The following GRM7 variants were observed in gnomAD, a reference collection of about 807,000 sequenced individuals.
GRM7 encodes glutamate metabotropic receptor 7, also known as metabotropic glutamate receptor 7.
In GRM7, 35 loss-of-function variants were observed where a neutral mutation model predicts 84.5. The observed-to-expected ratio is 0.41, with a 90% CI of 0.32 to 0.55. The LOEUF is 0.55. GRM7 is among the 20% of genes least tolerant of loss of function. The probability of loss-of-function intolerance (pLI) is 0.19; values close to 1 mark genes in which losing one functional copy is unlikely to be tolerated. For missense variants in GRM7, 1,003 were observed against 1,194.6 expected (o/e 0.84, Z 2.36); for synonymous variants, 487 against 455.1 (o/e 1.07, Z -0.89).
chr3:7,050,813 ATAGT>A (rs1696968573), intron 1 of GRM7, among the ~76,000 whole-genome samples: 1 of 151,856 alleles, frequency 6.6e-6, no homozygotes, highest in South Asian at 2.1e-4. Context: ...TCTTGATGTA[ATAGT>A]TAGGTTCAAC....
rs754849654 is a variant in GRM7, at chr3:6,861,363, G to C, written c.-26G>C. 6.7e-7 allele frequency: 1 copy of C among 1,482,134 alleles called. No individual in the cohort carries two copies. The highest frequency in any genetic ancestry group is 1.4e-5 in the South Asian group (1 of 70,946). 91.8% of individuals were successfully genotyped at this position (1,482,134 alleles called of 1,614,324 possible). On this transcript the variant is annotated 5_prime_UTR_variant, in exon 1 of 10. Transcript: ENST00000357716. This position sits in a 1 kb window ranked among gnomAD's most constrained non-coding sequence, Gnocchi z 6.4. The stretch of plus-strand genomic sequence containing the variant: ...CACCACCGTTCCCTCCAGCGCCGCC[G>C]CCGCCACCGCAGCAGCCGGAGCAGC...
intron 8 of GRM7, among the ~76,000 whole-genome samples, chr3:7,634,151 T>TG (rs536523769): frequency 2.5e-3 from 388 of 152,300 alleles, no homozygotes; most frequent in African/African-American, 9.1e-3. Flanking sequence ...GAATTATGCT[T>TG]GGATGACTTG....
intron 1 of GRM7, among the ~76,000 whole-genome samples, chr3:7,135,410 C>G (rs956452328): frequency 6.6e-6 from 1 of 152,176 alleles, no homozygotes; most frequent in Non-Finnish European, 1.5e-5. Flanking sequence ...AATATCTCAA[C>G]AGGTACACTG....
At chr3:7,303,297 G>C (rs535252755) in intron 3 of GRM7, among the ~76,000 whole-genome samples, 86 of 152,184 alleles carry the variant, frequency 5.7e-4, no homozygotes, top group Non-Finnish European at 9.1e-4. Context: ...TATGACTAAA[G>C]TACTTTTGAT....
intron 9 of GRM7, among the ~76,000 whole-genome samples, chr3:7,695,605 G>GACTT (rs1293054252): frequency 1.3e-5 from 2 of 152,258 alleles, no homozygotes; most frequent in Non-Finnish European, 2.9e-5. Flanking sequence ...CCCAGGTTAA[G>GACTT]ACTTAAGATG....
At chr3:6,872,829 T>C (rs1695171228) in intron 1 of GRM7, among the ~76,000 whole-genome samples, 1 of 152,192 alleles carries the variant, frequency 6.6e-6, no homozygotes, top group African/African-American at 2.4e-5. Flanking sequence ...TTCCATAGTG[T>C]ATATGTGCCA....
intron 1 of GRM7, among the ~76,000 whole-genome samples, chr3:6,973,138 C>T (rs73808500): frequency 1.2e-3 from 190 of 152,208 alleles, no homozygotes; most frequent in African/African-American, 4.4e-3. Context: ...GTATTGCATA[C>T]GCAGATGTTT....
At chr3:7,006,085 TC>T in intron 1 of GRM7, among the ~76,000 whole-genome samples, 1 of 152,244 alleles carries the variant, frequency 6.6e-6, no homozygotes, top group Non-Finnish European at 1.5e-5. Context: ...TTAACAACCT[TC>T]CCCCCTCCTG....
intron 1 of GRM7, among the ~76,000 whole-genome samples, chr3:6,875,891 G>A (rs1217814201): frequency 6.6e-6 from 1 of 152,054 alleles, no homozygotes; most frequent in Non-Finnish European, 1.5e-5. Flanking sequence ...CTTACTTACA[G>A]ACTATCTTAA....
intron 1 of GRM7, among the ~76,000 whole-genome samples, chr3:7,027,117 G>A (rs540070111): frequency 6.6e-6 from 1 of 152,260 alleles, no homozygotes; most frequent in East Asian, 1.9e-4. Flanking sequence ...ATATTCTTGT[G>A]GCAAGTTTTT....
chr3:7,300,804 A>G (rs1178075770), intron 3 of GRM7, among the ~76,000 whole-genome samples: 1 of 151,966 alleles, frequency 6.6e-6, no homozygotes, highest in Non-Finnish European at 1.5e-5. Flanking sequence ...GAATGGTGCC[A>G]TTTTTATTGT....
At chr3:7,070,436 C>T (rs1442298643) in intron 1 of GRM7, among the ~76,000 whole-genome samples, 1 of 152,006 alleles carries the variant, frequency 6.6e-6, no homozygotes, top group Non-Finnish European at 1.5e-5. Context: ...ATGCTAAAAA[C>T]AAAACTTTTT....
chr3:7,423,468 T>C (rs1241920424), intron 5 of GRM7, among the ~76,000 whole-genome samples: 1 of 152,128 alleles, frequency 6.6e-6, no homozygotes. Context: ...CAGCAACAAT[T>C]CTCGTAAACA....
intron 1 of GRM7, among the ~76,000 whole-genome samples, chr3:6,976,107 A>C (rs950013951): frequency 1.3e-5 from 2 of 152,036 alleles, no homozygotes; most frequent in Admixed American, 6.6e-5. Context: ...TACCCTCCCC[A>C]CACCTGGCCC....
intron 4 of GRM7, among the ~76,000 whole-genome samples, chr3:7,308,720 G>C (rs555519733): frequency 6.6e-6 from 1 of 152,238 alleles, no homozygotes; most frequent in Admixed American, 6.5e-5. Context: ...GGCAAGAGTT[G>C]GGTGAGATTC....
intron 4 of GRM7, among the ~76,000 whole-genome samples, chr3:7,407,597 C>T (rs1695738683): frequency 6.6e-6 from 1 of 152,084 alleles, no homozygotes; most frequent in African/African-American, 2.4e-5. Context: ...TCCTACTATC[C>T]TTAATTTATA....
At chr3:7,192,914 C>T (rs1282954965) in intron 2 of GRM7, among the ~76,000 whole-genome samples, 1 of 152,070 alleles carries the variant, frequency 6.6e-6, no homozygotes, top group African/African-American at 2.4e-5. Flanking sequence ...GGTACTAATC[C>T]CCTGGATCTA....
At chr3:6,986,052 G>A (rs992722237) in intron 1 of GRM7, among the ~76,000 whole-genome samples, 4 of 152,054 alleles carry the variant, frequency 2.6e-5, no homozygotes, top group African/African-American at 7.2e-5. Flanking sequence ...CACGTACCTG[G>A]TGGCCACAGT....
At chr3:7,159,548 C>A (rs1166394445) in intron 2 of GRM7, among the ~76,000 whole-genome samples, 1 of 152,136 alleles carries the variant, frequency 6.6e-6, no homozygotes, top group Non-Finnish European at 1.5e-5. Flanking sequence ...TGCTTCCCAC[C>A]TTCCCCCTCT....
Sources: gnomAD v4.1 joint callset for allele counts (sites outside exome capture counted in the v4.1 genomes callset) on GRCh38, gnomAD v4.1.1 for gene constraint, Gnocchi (gnomAD v3.1) non-coding constraint, MANE v1.5 for transcripts, NCBI Gene and HGNC (gene_info 2026-07-23, HGNC 2026-07-21) for gene names.